The following STX8 variants were observed in gnomAD, a reference collection of about 807,000 sequenced individuals.
STX8 encodes the protein syntaxin 8.
A neutral mutation model predicts 37.5 loss-of-function variants in STX8; 23 were observed. The observed-to-expected ratio is 0.61, with a 90% CI of 0.44 to 0.87. The LOEUF is 0.87. STX8 is among the 40% of genes least tolerant of loss of function. The pLI is 0.00. For synonymous variants in STX8, 115 were observed against 99.1 expected, an observed-to-expected ratio of 1.16 and a Z score of -0.95; for missense variants, 313 against 284.7, an observed-to-expected ratio of 1.10 and a Z score of -0.71.
chr17:9,531,598 T>C (rs723072), intron 4 of STX8, among the ~76,000 whole-genome samples: 7,058 of 152,246 alleles, frequency 0.046, 591 homozygotes, highest in African/African-American at 0.16. Context: ...AACTTTACCA[T>C]GGGTATATAT....
At chr17:9,490,687 T>C (rs1029555978) in intron 6 of STX8, among the ~76,000 whole-genome samples, 12 of 152,184 alleles carry the variant, frequency 7.9e-5, no homozygotes, top group Non-Finnish European at 1.6e-4. Flanking sequence ...TGAAAGCCAT[T>C]CCATCGTGTT....
At chr17:9,450,383 T>C (rs1905002015) in intron 6 of STX8, among the ~76,000 whole-genome samples, 1 of 151,804 alleles carries the variant, frequency 6.6e-6, no homozygotes, top group Admixed American at 6.6e-5. Context: ...ACCTTACATG[T>C]AAATTTAACT....
chr17:9,464,832 C>A (rs1167050795), intron 6 of STX8: 1 of 151,640 alleles, frequency 6.6e-6, no homozygotes, highest in African/African-American at 2.4e-5. Context: ...AAGAAATTCT[C>A]CTGCCTCAGC....
At chr17:9,428,166 G>A (rs1368847521) in intron 6 of STX8, among the ~76,000 whole-genome samples, 1 of 152,172 alleles carries the variant, frequency 6.6e-6, no homozygotes, top group African/African-American at 2.4e-5. Flanking sequence ...TCCTGTGAGA[G>A]GTAAATTCTC....
chr17:9,450,979 T>C (rs1326306598), intron 6 of STX8, among the ~76,000 whole-genome samples: 2 of 152,172 alleles, frequency 1.3e-5, no homozygotes, highest in Non-Finnish European at 1.5e-5. Context: ...TTCTGGGCCC[T>C]GCGCTCAGTA....
At chr17:9,348,713 CA>C (rs1910609321) in intron 7 of STX8, among the ~76,000 whole-genome samples, 1 of 152,292 alleles carries the variant, frequency 6.6e-6, no homozygotes, top group African/African-American at 2.4e-5. Flanking sequence ...ACAATTTCAC[CA>C]CACTGTGATA....
intron 7 of STX8, among the ~76,000 whole-genome samples, chr17:9,368,998 G>A (rs73251945): frequency 0.019 from 2,883 of 150,310 alleles, 76 homozygotes; most frequent in African/African-American, 0.066. Context: ...ATAGCTCACC[G>A]CAACGTTGAA....
intron 7 of STX8, among the ~76,000 whole-genome samples, chr17:9,356,555 C>T (rs182951506): frequency 6.6e-6 from 1 of 152,314 alleles, no homozygotes; most frequent in Non-Finnish European, 1.5e-5. Context: ...CCTTCCCAGG[C>T]TCCCCTGCCA....
intron 3 of STX8, among the ~76,000 whole-genome samples, chr17:9,552,623 T>C (rs887309159): frequency 1.3e-5 from 2 of 151,810 alleles, no homozygotes; most frequent in Admixed American, 6.6e-5. Flanking sequence ...TTCCAAAAAA[T>C]AGAGTAGAGA....
rs1911331752 is a variant in STX8, at chr17:9,369,374, A to G, written c.643+9178T>C. 2.0e-5 allele frequency among the ~76,000 whole-genome samples: 3 copies of G among 152,224 alleles called. No individual in the cohort carries two copies. The South Asian group carries it at 6.2e-4, about 32-fold the overall frequency. ...AACCATGATAAGGGAAAGAAGAAGT[A>G]AAAACAATAGCCAGATAGAAATATT... On this transcript the variant is annotated intron_variant, in intron 7 of 7. Coordinates refer to ENST00000306357, the MANE Select transcript of STX8 (RefSeq NM_004853.3).
Position 9,250,481 on chromosome 17 carries a change from G to A in STX8, c.*97C>T. 8.7e-7 allele frequency: 1 copy of A among 1,155,448 alleles called. No homozygotes were observed. The allele number at this position is 1,155,448 out of a possible 1,614,324, so 71.6% of individuals were successfully genotyped here. ...GCAATGCACAAGAGGTCAGAGCTTTGGGGGAATTTATTGAGAGCAGGTTTT... is the reference window on the plus strand; with the variant it reads ...GCAATGCACAAGAGGTCAGAGCTTTAGGGGAATTTATTGAGAGCAGGTTTT... On this transcript the variant is annotated 3_prime_UTR_variant, in exon 8 of 8. Transcript: ENST00000306357.
At chr17:9,380,709 C>CTTT (rs776433325) in intron 6 of STX8, among the ~76,000 whole-genome samples, 168 of 98,428 alleles carry the variant, frequency 1.7e-3, no homozygotes, top group East Asian at 3.7e-3. Flanking sequence ...GATACAGAAA[C>CTTT]TTTTTTTTTT....
intron 1 of STX8, among the ~76,000 whole-genome samples, chr17:9,574,891 T>C (rs1372675090): frequency 2.6e-5 from 4 of 152,340 alleles, no homozygotes; most frequent in South Asian, 2.1e-4. Flanking sequence ...CCAAATAACC[T>C]AGATTCCAGG....
chr17:9,505,898 C>T (rs1042431728), intron 4 of STX8, among the ~76,000 whole-genome samples: 4 of 145,110 alleles, frequency 2.8e-5, no homozygotes, highest in East Asian at 4.1e-4. Context: ...GCCAAGATGG[C>T]GCCACTGCAC....
intron 7 of STX8, among the ~76,000 whole-genome samples, chr17:9,282,118 G>T (rs1907908502): frequency 6.6e-6 from 1 of 151,748 alleles, no homozygotes; most frequent in East Asian, 1.9e-4. Context: ...TTTTTGTTTG[G>T]TACTGATGAC....
intron 7 of STX8, among the ~76,000 whole-genome samples, chr17:9,317,681 T>G (rs1402922261): frequency 6.6e-6 from 1 of 151,272 alleles, no homozygotes; most frequent in Non-Finnish European, 1.5e-5. Context: ...CAGGAGAATG[T>G]CGTGAACCCG....
intron 4 of STX8, among the ~76,000 whole-genome samples, chr17:9,520,653 G>A (rs1329941239): frequency 6.6e-6 from 1 of 152,064 alleles, no homozygotes; most frequent in African/African-American, 2.4e-5. Context: ...ATCCCCCAAA[G>A]AAAATGATGT....
chr17:9,320,309 G>A (rs1430118756), intron 7 of STX8, among the ~76,000 whole-genome samples: 1 of 149,628 alleles, frequency 6.7e-6, no homozygotes, highest in Non-Finnish European at 1.5e-5. Flanking sequence ...CTCCAGCCTG[G>A]GTGACAGAGC....
intron 6 of STX8, among the ~76,000 whole-genome samples, chr17:9,430,636 T>A (rs1913924778): frequency 4.1e-5 from 6 of 147,158 alleles, no homozygotes; most frequent in Non-Finnish European, 8.9e-5. Flanking sequence ...ACAGTTGGGC[T>A]CAGTGGTTTT....
Sources: gnomAD v4.1 joint callset for allele counts (sites outside exome capture counted in the v4.1 genomes callset) on GRCh38, gnomAD v4.1.1 for gene constraint, MANE v1.5 for transcripts, NCBI Gene and HGNC (gene_info 2026-07-23, HGNC 2026-07-21) for gene names.